WWP2: variants seen among roughly 807,000 people sequenced by gnomAD.
WWP2 encodes the protein NEDD4-like E3 ubiquitin-protein ligase WWP2.
WWP2 carries 57 observed loss-of-function variants against 121.0 expected under a neutral mutation model. The ratio of observed to expected loss-of-function variants is 0.47; its 90% CI spans 0.38 to 0.59. WWP2 has a LOEUF of 0.59. Ranked by LOEUF, WWP2 falls within the 20% of genes least tolerant of loss-of-function variation. The probability of loss-of-function intolerance (pLI) is 0.00; values close to 1 mark genes in which losing one functional copy is unlikely to be tolerated. For missense variants in WWP2, 962 were observed against 1,158.9 expected (o/e 0.83, Z 2.47); for synonymous variants, 449 against 441.3 (o/e 1.02, Z -0.22).
At chr16:69,891,624 T>A (rs2058029597) in intron 8 of WWP2, among the ~76,000 whole-genome samples, 1 of 152,174 alleles carries the variant, frequency 6.6e-6, no homozygotes, top group African/African-American at 2.4e-5. Context: ...GACTGTTTCA[T>A]GATGCGTGCC....
In WWP2 at chr16:69,936,447, C is replaced by T. The variant is rs760190553; in HGVS notation, c.2112C>T (p.Tyr704=). The T allele has an allele frequency of 3.1e-6, 5 of 1,613,876 alleles. No individual in the cohort carries two copies. Among genetic ancestry groups the T allele is most frequent in the African/African-American group, 2.7e-5 (2 of 74,878 alleles). Residue 704 remains tyrosine (Y), a synonymous_variant, in exon 19 of 24, where the codon TAC becomes TAT. Transcript: ENST00000359154. ...IRVTEENKEE[Y]IMLLTDWRFT... ...TCACAGAGGAGAACAAGGAAGAGTA[C>T]ATCATGTGAGTCTCAGGCGCCGGGG...
chr16:69,779,327 G>C (rs372105519), intron 1 of WWP2, among the ~76,000 whole-genome samples: 1 of 152,218 alleles, frequency 6.6e-6, no homozygotes, highest in African/African-American at 2.4e-5. Flanking sequence ...TAATGTCAGG[G>C]TGGTATCTTG....
intron 1 of WWP2, among the ~76,000 whole-genome samples, chr16:69,777,082 G>A (rs1354691844): frequency 1.4e-5 from 2 of 146,932 alleles, no homozygotes; most frequent in African/African-American, 5.3e-5. Context: ...TTTTAAAACA[G>A]TATATGGATA....
At chr16:69,798,588 A>G (rs990381539) in intron 2 of WWP2, 94 bp from the exon 3 acceptor site, 1 of 1,396,252 alleles carries the variant, frequency 7.2e-7, no homozygotes. Context: ...TTATTTTTTA[A>G]AGCAATAACT....
chr16:69,915,098 CGA>C (rs1020649385), intron 9 of WWP2, among the ~76,000 whole-genome samples: 8 of 152,202 alleles, frequency 5.3e-5, no homozygotes, highest in African/African-American at 1.7e-4. Context: ...GAGATGTGGC[CGA>C]GAGAGGAAGG....
intron 6 of WWP2, among the ~76,000 whole-genome samples, chr16:69,853,498 T>G (rs1214013315): frequency 6.6e-6 from 1 of 152,188 alleles, no homozygotes; most frequent in African/African-American, 2.4e-5. Context: ...TTCTCATTGG[T>G]GCAACCTAAA....
At position 69,798,969 on chromosome 16, in the gene WWP2, G is replaced by T. The variant is rs879238511; in HGVS notation, c.218+140G>T. 1.8e-5 allele frequency: 25 copies of T among 1,381,086 alleles called. No homozygotes were observed. In the South Asian group the frequency reaches 3.2e-4, roughly 18 times the overall value. 85.6% of individuals were successfully genotyped at this position (1,381,086 alleles called of 1,614,324 possible). On this transcript the variant is annotated intron_variant, in intron 3 of 23. Coordinates refer to ENST00000359154, the MANE Select transcript of WWP2 (RefSeq NM_001270454.2). ...TGGTACCCAAGGTGACTCTTTTTAG[G>T]TGTTCCTACACCATTGAGCTCATAG...
intron 8 of WWP2, among the ~76,000 whole-genome samples, chr16:69,892,420 T>C (rs1247563959): frequency 6.6e-6 from 1 of 151,688 alleles, no homozygotes; most frequent in African/African-American, 2.4e-5. Flanking sequence ...GAAACAATGA[T>C]TCTCTTAAAC....
intron 9 of WWP2, chr16:69,910,380 G>A (rs2058361296): frequency 2.0e-6 from 2 of 981,958 alleles, no homozygotes; most frequent in Non-Finnish European, 2.4e-6. Flanking sequence ...TATAACATGT[G>A]CACTTTAAAA....
chr16:69,771,332 C>T (rs2055410612), intron 1 of WWP2, among the ~76,000 whole-genome samples: 1 of 152,134 alleles, frequency 6.6e-6, no homozygotes, highest in South Asian at 2.1e-4. Flanking sequence ...ACTGCAACCT[C>T]CGCCTCCCGG....
At chr16:69,838,007 G>A (rs963888578) in intron 4 of WWP2, among the ~76,000 whole-genome samples, 5 of 152,108 alleles carry the variant, frequency 3.3e-5, no homozygotes, top group African/African-American at 4.8e-5. Flanking sequence ...AGGATTGCTT[G>A]AGGCCAGGAG....
chr16:69,792,351 C>A (rs2055930989), intron 2 of WWP2, among the ~76,000 whole-genome samples: 1 of 152,160 alleles, frequency 6.6e-6, no homozygotes, highest in African/African-American at 2.4e-5. Flanking sequence ...CTATTGTGGT[C>A]CCTTCTTAAG....
chr16:69,803,179 A>G (rs541086331), intron 4 of WWP2, among the ~76,000 whole-genome samples: 4 of 146,584 alleles, frequency 2.7e-5, no homozygotes, highest in African/African-American at 1.0e-4. Context: ...AATTATTTTT[A>G]TTTTCTTATT....
intron 6 of WWP2, among the ~76,000 whole-genome samples, chr16:69,848,637 T>TAAAAA (rs529487746): frequency 2.6e-4 from 21 of 81,900 alleles, no homozygotes; most frequent in East Asian, 3.6e-4. Flanking sequence ...ATGCTGTTGC[T>TAAAAA]AAAAAAAAAA....
At chr16:69,865,036 C>A (rs2057495280) in intron 6 of WWP2, among the ~76,000 whole-genome samples, 1 of 151,980 alleles carries the variant, frequency 6.6e-6, no homozygotes, top group South Asian at 2.1e-4. Flanking sequence ...TGTAGATCTT[C>A]TTTGGTGATG....
At chr16:69,917,919 C>T (rs2058500357) in intron 10 of WWP2, 36 bp downstream of exon 10, 3 of 1,587,436 alleles carry the variant, frequency 1.9e-6, no homozygotes, top group South Asian at 2.2e-5. Context: ...GGTGGGGCCG[C>T]CTCCCTGCGC....
intron 1 of WWP2, among the ~76,000 whole-genome samples, chr16:69,767,144 T>C (rs1167534923): frequency 6.6e-6 from 1 of 152,164 alleles, no homozygotes; most frequent in African/African-American, 2.4e-5. Context: ...TGAAATCAAT[T>C]TGAGTGCCAA....
At chr16:69,923,335 C>A (rs1197434008) in intron 10 of WWP2, among the ~76,000 whole-genome samples, 1 of 149,658 alleles carries the variant, frequency 6.7e-6, no homozygotes, top group East Asian at 2.0e-4. Flanking sequence ...GGGGTGCGTT[C>A]TGATAGAATA....
intron 2 of WWP2, among the ~76,000 whole-genome samples, chr16:69,796,400 A>C (rs993608025): frequency 2.6e-5 from 4 of 152,182 alleles, no homozygotes; most frequent in African/African-American, 4.8e-5. Flanking sequence ...TGTGCTCAGG[A>C]CACTTCGATA....
Sources: gnomAD v4.1 joint callset for allele counts (sites outside exome capture counted in the v4.1 genomes callset) on GRCh38, gnomAD v4.1.1 for gene constraint, MANE v1.5 for transcripts, NCBI Gene and HGNC (gene_info 2026-07-23, HGNC 2026-07-21) for gene names.